The following DEFB110 variants were observed in gnomAD, a reference collection of about 807,000 sequenced individuals.
The protein encoded by DEFB110 is defensin beta 110.
In DEFB110, 4 loss-of-function variants were observed where a neutral mutation model predicts 2.5. The ratio of observed to expected loss-of-function variants is 1.60; its 90% CI spans 0.79 to 3.66. The LOEUF is 3.66. Among genes scored for constraint, DEFB110 ranks in the 30% most tolerant of loss-of-function variants. The pLI is 0.01. For synonymous variants in DEFB110, 29 were observed against 21.8 expected, an observed-to-expected ratio of 1.33 and a Z score of -0.92; for missense variants, 94 against 75.4, an observed-to-expected ratio of 1.25 and a Z score of -0.91.
intron 1 of DEFB110, among the ~76,000 whole-genome samples, chr6:50,012,348 A>G (rs1364600823): frequency 6.6e-6 from 1 of 151,978 alleles, no homozygotes; most frequent in Admixed American, 6.6e-5. Flanking sequence ...AAATGCTTGA[A>G]ACAAATTACT....
chr6:50,009,451 T>G (rs1459819165), intron 1 of DEFB110, among the ~76,000 whole-genome samples: 1 of 152,178 alleles, frequency 6.6e-6, no homozygotes, highest in African/African-American at 2.4e-5. Flanking sequence ...ACTGAGCTAC[T>G]AACATTATAC....
Position 50,010,421 on chromosome 6 carries a change from C to T in DEFB110, c.56-1150G>A, listed in dbSNP as rs191245312. On this transcript the variant is annotated intron_variant, in intron 1 of 1. Transcript: ENST00000393660. ...CATTAGGTTCCGAAGCAGAGAAAAA[C>T]TAGAGAAGATCTCTAAAGCACTTAC... Among the ~76,000 whole-genome samples the T allele has an allele frequency of 2.0e-5, 3 of 151,640 alleles. No homozygotes were observed. In the Admixed American group the frequency reaches 2.0e-4, roughly 10 times the overall value.
intron 1 of DEFB110, among the ~76,000 whole-genome samples, chr6:50,011,364 A>G (rs375378302): frequency 2.6e-5 from 4 of 152,012 alleles, no homozygotes; most frequent in African/African-American, 7.2e-5. Context: ...ATTTCCGCAC[A>G]TTTTGTACAT....
At chr6:50,009,375 G>A (rs1774189317) in intron 1 of DEFB110, 3 of 1,208,124 alleles carry the variant, frequency 2.5e-6, no homozygotes, top group Admixed American at 5.9e-5. Context: ...TCATGTGTGT[G>A]CAAGTTGGAG....
At chr6:50,012,036 T>C (rs1774236854) in intron 1 of DEFB110, among the ~76,000 whole-genome samples, 1 of 152,074 alleles carries the variant, frequency 6.6e-6, no homozygotes. Flanking sequence ...TCAAAAGATA[T>C]AATGAGATAA....
chr6:50,018,929 A>G lies in DEFB110; in HGVS notation c.*48T>C, dbSNP rs1288724616. The G allele has an allele frequency of 6.4e-7, 1 of 1,571,886 alleles. No homozygotes were observed. Among genetic ancestry groups the G allele is most frequent in the Non-Finnish European group, 8.6e-7 (1 of 1,162,054 alleles). ...AAGGATGTGCTGGGAAAACTTAATAACGCTGGTCTCTCTTCTTGGAGCTTG... is the reference window on the plus strand; with the variant it reads ...AAGGATGTGCTGGGAAAACTTAATAGCGCTGGTCTCTCTTCTTGGAGCTTG... On this transcript the variant is annotated 3_prime_UTR_variant, in exon 2 of 2. Coordinates refer to ENST00000371148, the MANE Select transcript of DEFB110 (RefSeq NM_001037497.2).
At chr6:50,015,137 C>T (rs1162059227), downstream of DEFB110, among the ~76,000 whole-genome samples, 3 of 151,728 alleles carry the variant, frequency 2.0e-5, no homozygotes, top group Non-Finnish European at 4.4e-5. Context: ...CCTCTGTCTG[C>T]CATAGCCAAA....
chr6:50,012,289 G>T (rs78828134), intron 1 of DEFB110, among the ~76,000 whole-genome samples: 2,311 of 151,808 alleles, frequency 0.015, 56 homozygotes, highest in African/African-American at 0.052. Flanking sequence ...GTTACAGTAG[G>T]CCAGGCCCAC....
downstream of DEFB110, among the ~76,000 whole-genome samples, chr6:50,015,826 A>G (rs897100856): frequency 2.0e-5 from 3 of 151,772 alleles, no homozygotes; most frequent in African/African-American, 7.2e-5. Flanking sequence ...TTGGTAAATA[A>G]ATGAGGGAGA....
chr6:50,019,494 T>A (rs1774380954), intron 1 of DEFB110, among the ~76,000 whole-genome samples: 1 of 152,120 alleles, frequency 6.6e-6, no homozygotes, highest in Admixed American at 6.6e-5. Flanking sequence ...TTAGACTGAA[T>A]GTTGTGCTTT....
intron 1 of DEFB110, among the ~76,000 whole-genome samples, chr6:50,011,039 T>C (rs978436831): frequency 6.6e-6 from 1 of 151,966 alleles, no homozygotes; most frequent in Admixed American, 6.6e-5. Context: ...ATTGTAAAAT[T>C]GGTTCTATTG....
chr6:50,018,303 T>A (rs1774352746), downstream of DEFB110, among the ~76,000 whole-genome samples: 1 of 152,032 alleles, frequency 6.6e-6, no homozygotes, highest in Non-Finnish European at 1.5e-5. Context: ...TTGACTTCTT[T>A]GGTCTAAATT....
intron 1 of DEFB110, among the ~76,000 whole-genome samples, chr6:50,010,503 T>C (rs1277933183): frequency 6.6e-6 from 1 of 150,796 alleles, no homozygotes; most frequent in Non-Finnish European, 1.5e-5. Flanking sequence ...GAAGAGACTG[T>C]CAGGTGGATT....
chr6:50,010,748 CAAT>C (rs1041644464), intron 1 of DEFB110, among the ~76,000 whole-genome samples: 30 of 151,418 alleles, frequency 2.0e-4, no homozygotes, highest in African/African-American at 7.0e-4. Context: ...GTCAGGAAGA[CAAT>C]GATGCATAAT....
At chr6:50,021,791 C>T in intron 1 of DEFB110, 90 bp downstream of exon 1, 1 of 1,206,590 alleles carries the variant, frequency 8.3e-7, no homozygotes, top group Non-Finnish European at 1.2e-6. Flanking sequence ...ATGTTTTAAT[C>T]CCTATGTTAT....
intron 1 of DEFB110, among the ~76,000 whole-genome samples, chr6:50,013,097 T>A (rs1774252930): frequency 6.6e-6 from 1 of 151,898 alleles, no homozygotes; most frequent in Admixed American, 6.6e-5. Context: ...GTTATATTCA[T>A]TTTTGGATTT....
chr6:50,016,136 A>G (rs115927663), downstream of DEFB110, among the ~76,000 whole-genome samples: 1,366 of 151,956 alleles, frequency 9.0e-3, 30 homozygotes, highest in African/African-American at 0.031. Flanking sequence ...ATATTGAGGT[A>G]AAATAAATAC....
chr6:50,019,818 A>T (rs572686276), intron 1 of DEFB110, among the ~76,000 whole-genome samples: 1 of 152,212 alleles, frequency 6.6e-6, no homozygotes, highest in African/African-American at 2.4e-5. Context: ...TGTACTATTA[A>T]ACCTTTTGAC....
exon 2 of DEFB110, chr6:50,009,234 T>A: frequency 6.2e-7 from 1 of 1,608,182 alleles, no homozygotes; most frequent in Non-Finnish European, 8.5e-7. Flanking sequence ...CTTTTTCGCA[T>A]CTTTCAAATC....
Sources: allele counts gnomAD v4.1 joint callset (sites outside exome capture counted in the v4.1 genomes callset), GRCh38; gene constraint gnomAD v4.1.1; transcripts MANE v1.5; gene names NCBI Gene and HGNC (gene_info 2026-07-23, HGNC 2026-07-21).